The following LEPROTL1 variants were observed in gnomAD, a reference collection of about 807,000 sequenced individuals.
LEPROTL1 encodes the protein leptin receptor overlapping transcript like 1, also known as leptin receptor overlapping transcript-like 1.
A neutral mutation model predicts 15.4 loss-of-function variants in LEPROTL1; 6 were observed. That is an observed-to-expected ratio of 0.39 (90% CI 0.21 to 0.77). The LOEUF (loss-of-function observed/expected upper bound fraction) is 0.77. LEPROTL1 is among the 30% of genes least tolerant of loss of function. The probability of loss-of-function intolerance (pLI) is 0.41; values close to 1 mark genes in which losing one functional copy is unlikely to be tolerated. For missense variants in LEPROTL1, 128 were observed against 158.1 expected, an observed-to-expected ratio of 0.81 and a Z score of 1.02; for synonymous variants, 56 against 52.6, an observed-to-expected ratio of 1.06 and a Z score of -0.28.
At chr8:30,096,248 A>G in intron 1 of LEPROTL1, 1 of 963,782 alleles carries the variant, frequency 1.0e-6, no homozygotes, top group Non-Finnish European at 1.2e-6. Flanking sequence ...TTAATGAAAA[A>G]CTACTGGCTT....
Position 30,104,369 on chromosome 8 carries a change from A to G in LEPROTL1, c.162A>G (p.Arg54=). The G allele has an allele frequency of 6.2e-7, 1 of 1,610,864 alleles. No homozygotes were observed. Among genetic ancestry groups the G allele is most frequent in the Non-Finnish European group, 8.5e-7 (1 of 1,178,088 alleles). The change falls in exon 3 of 4, where the codon AGA becomes AGG. Residue 54 remains arginine (R), a synonymous_variant. Coordinates refer to ENST00000321250, the MANE Select transcript of LEPROTL1 (RefSeq NM_015344.3). ...CTATTCCATACTGCATAGCAAGAAG[A>G]TTAGTGGATGATACAGATGCTATGA... The part of the protein sequence containing the change: ...LSPIPYCIAR[R]LVDDTDAMSN...
Position 30,095,430 on chromosome 8 carries a change from C to T in LEPROTL1, c.-83C>T, listed in dbSNP as rs143899166. The T allele has an allele frequency of 0.026, 36,299 of 1,386,996 alleles. 642 individuals carry two copies. Among genetic ancestry groups the T allele is most frequent in the Non-Finnish European group, 0.03 (31,279 of 1,047,722 alleles). 85.9% of individuals were successfully genotyped at this position (1,386,996 alleles called of 1,614,324 possible). On this transcript the variant is annotated 5_prime_UTR_variant, in exon 1 of 4. Coordinates refer to ENST00000321250, the MANE Select transcript of LEPROTL1 (RefSeq NM_015344.3). ...CGCGCACTTCCGGGTGTTGTCTGGC[C>T]GCCGTAGCGCGTCTTGGGTCTCCCG...
At position 30,106,956 on chromosome 8, in the gene LEPROTL1, C is replaced by T. The variant is rs1264975792; in HGVS notation, c.*1094C>T. On this transcript the variant is annotated 3_prime_UTR_variant, in exon 4 of 4. Coordinates refer to ENST00000321250, the MANE Select transcript of LEPROTL1 (RefSeq NM_015344.3). ...TGCCGTACATTCAGAGTGCCCCCTCCCCTGCAAGGCCTTGCCATGATTAAC... is the reference window on the plus strand; with the variant it reads ...TGCCGTACATTCAGAGTGCCCCCTCTCCTGCAAGGCCTTGCCATGATTAAC... 1 of 985,488 alleles carries T rather than the reference C, an allele frequency of 1.0e-6. No individual in the cohort carries two copies. Among genetic ancestry groups the T allele is most frequent in the African/African-American group, 1.7e-5 (1 of 57,230 alleles). The allele number at this position is 985,488 out of a possible 1,614,324, so 61.0% of individuals were successfully genotyped here.
chr8:30,113,769 G>A (rs1802690704), intron 3 of LEPROTL1, among the ~76,000 whole-genome samples: 1 of 152,144 alleles, frequency 6.6e-6, no homozygotes, highest in Non-Finnish European at 1.5e-5. Context: ...TCCGTTTAGT[G>A]AGACCCTCAA....
chr8:30,106,011 A>G lies in LEPROTL1; in HGVS notation c.*149A>G, dbSNP rs1379552565. On this transcript the variant is annotated 3_prime_UTR_variant, in exon 4 of 4. Transcript: ENST00000321250. The stretch of plus-strand genomic sequence containing the variant: ...CCCTTCTCACTTTTATTGTAAGCAT[A>G]CTATTTTCACAGAGACTTGCTGAAG... 1 of 1,236,542 alleles carries G rather than the reference A, an allele frequency of 8.1e-7. No individual in the cohort carries two copies. The highest frequency in any genetic ancestry group is 1.0e-6 in the Non-Finnish European group (1 of 979,292). 76.6% of individuals were successfully genotyped at this position (1,236,542 alleles called of 1,614,324 possible).
chr8:30,117,902 A>G (rs187255378), intron 3 of LEPROTL1: 1 of 514,662 alleles, frequency 1.9e-6, no homozygotes. Context: ...GTGGTTATTT[A>G]AAATTACATT....
At chr8:30,129,407 A>G (rs1802958025) in intron 3 of LEPROTL1, among the ~76,000 whole-genome samples, 1 of 152,178 alleles carries the variant, frequency 6.6e-6, no homozygotes, top group African/African-American at 2.4e-5. Context: ...TCGTAGTGCT[A>G]TAAAGAACTA....
chr8:30,100,513 A>T (rs1208986149), intron 1 of LEPROTL1, among the ~76,000 whole-genome samples: 1 of 152,200 alleles, frequency 6.6e-6, no homozygotes, highest in Non-Finnish European at 1.5e-5. Flanking sequence ...GCAAAGGCGC[A>T]GTCTAGGCTC....
chr8:30,110,601 G>A (rs925501568), downstream of LEPROTL1, among the ~76,000 whole-genome samples: 2 of 152,008 alleles, frequency 1.3e-5, no homozygotes, highest in Admixed American at 6.6e-5. Context: ...CGGGTGTGGT[G>A]GTGGCGCCTG....
chr8:30,136,596 C>T (rs1803145221), intron 4 of LEPROTL1, among the ~76,000 whole-genome samples: 1 of 152,186 alleles, frequency 6.6e-6, no homozygotes, highest in Non-Finnish European at 1.5e-5. Context: ...CCCCATCAGG[C>T]CCCAGCTCCC....
At chr8:30,119,114 G>A (rs1266464974) in intron 3 of LEPROTL1, among the ~76,000 whole-genome samples, 1 of 152,160 alleles carries the variant, frequency 6.6e-6, no homozygotes, top group African/African-American at 2.4e-5. Flanking sequence ...TGTGCCCCTG[G>A]TTTATCGAGA....
chr8:30,112,401 A>ATTTTTTTTTTTTTTTTTTTTTTTT (rs10684450), downstream of LEPROTL1, among the ~76,000 whole-genome samples: 9 of 27,888 alleles, frequency 3.2e-4, 2 homozygotes, highest in East Asian at 1.7e-3. Flanking sequence ...TGCCCAGCTA[A>ATTTTTTTTTTTTTTTTTTTTTTTT]TTTTTTTTTT....
At chr8:30,122,100 G>A (rs1400410716) in intron 3 of LEPROTL1, among the ~76,000 whole-genome samples, 2 of 151,686 alleles carry the variant, frequency 1.3e-5, no homozygotes, top group African/African-American at 2.4e-5. Flanking sequence ...CCGGGAGGCC[G>A]AGGTTTCAGT....
chr8:30,118,657 A>G (rs987194485), intron 3 of LEPROTL1, among the ~76,000 whole-genome samples: 1 of 152,204 alleles, frequency 6.6e-6, no homozygotes, highest in African/African-American at 2.4e-5. Context: ...GGCGCTCAGC[A>G]TATGGAGGAC....
chr8:30,113,751 T>G (rs1802690438), intron 3 of LEPROTL1, among the ~76,000 whole-genome samples: 1 of 152,318 alleles, frequency 6.6e-6, no homozygotes, highest in Non-Finnish European at 1.5e-5. Flanking sequence ...GGGAAAACAC[T>G]GTGCCTCTCC....
chr8:30,096,621 C>A (rs79872138), intron 1 of LEPROTL1, among the ~76,000 whole-genome samples: 2 of 152,144 alleles, frequency 1.3e-5, no homozygotes, highest in South Asian at 4.1e-4. Context: ...AGACTCTAAA[C>A]CCTTATGTGA....
intron 4 of LEPROTL1, chr8:30,132,948 T>C (rs1411408354): frequency 6.8e-7 from 1 of 1,468,686 alleles, no homozygotes; most frequent in Non-Finnish European, 9.0e-7. Flanking sequence ...CACTCTGTAT[T>C]TATTCTCTCT....
chr8:30,115,803 T>A (rs1488033664), intron 3 of LEPROTL1, among the ~76,000 whole-genome samples: 1 of 152,034 alleles, frequency 6.6e-6, no homozygotes, highest in Non-Finnish European at 1.5e-5. Context: ...TACCCACAAA[T>A]TTGGCAAAGA....
rs1231050661 is a variant in LEPROTL1 at position 30,108,344 on chromosome 8, G to A, written c.*2482G>A. ...CATAAAAGGTTTTGTTGACATTTAA[G>A]ACTACTACTGATCTAAAGGCAAGGT... is the stretch of plus-strand genomic sequence containing the variant. On this transcript the variant is annotated 3_prime_UTR_variant, in exon 4 of 4. Transcript: ENST00000321250. 1 of 152,150 alleles carries A rather than the reference G, an allele frequency of 6.6e-6. No homozygotes were observed. Among genetic ancestry groups the A allele is most frequent in the Non-Finnish European group, 1.5e-5 (1 of 68,026 alleles). The allele number at this position is 152,150 out of a possible 1,614,324, so 9.4% of individuals were successfully genotyped here.
Sources: gnomAD v4.1 joint callset for allele counts (sites outside exome capture counted in the v4.1 genomes callset) on GRCh38, gnomAD v4.1.1 for gene constraint, MANE v1.5 for transcripts, NCBI Gene and HGNC (gene_info 2026-07-23, HGNC 2026-07-21) for gene names.